CD86: variants seen among roughly 807,000 people sequenced by gnomAD.
CD86 encodes the protein CD86 molecule, also known as T-lymphocyte activation antigen CD86.
CD86 carries 11 observed loss-of-function variants against 32.1 expected under a neutral mutation model. That is an observed-to-expected ratio of 0.34 (90% CI 0.22 to 0.57). CD86 has a LOEUF of 0.57. Ranked by LOEUF, CD86 falls within the 20% of genes least tolerant of loss-of-function variation. The probability of loss-of-function intolerance (pLI) is 0.86; values close to 1 mark genes in which losing one functional copy is unlikely to be tolerated. For synonymous variants in CD86, 137 were observed against 135.3 expected, an observed-to-expected ratio of 1.01 and a Z score of -0.09; for missense variants, 359 against 398.4, an observed-to-expected ratio of 0.90 and a Z score of 0.84.
At chr3:122,080,366 C>T (rs1407581914) in intron 1 of CD86, among the ~76,000 whole-genome samples, 1 of 152,134 alleles carries the variant, frequency 6.6e-6, no homozygotes, top group African/African-American at 2.4e-5. Context: ...AGTTTCGATT[C>T]TAGATACAAC....
chr3:122,115,740 CAAAAAAAA>C (rs769868417), intron 5 of CD86, among the ~76,000 whole-genome samples: 2 of 27,538 alleles, frequency 7.3e-5, no homozygotes, highest in Non-Finnish European at 1.4e-4. Context: ...AACTCCCTCT[CAAAAAAAA>C]AAAAAAAAAA....
chr3:122,075,491 G>C, intron 1 of CD86, among the ~76,000 whole-genome samples: 1 of 152,154 alleles, frequency 6.6e-6, no homozygotes, highest in South Asian at 2.1e-4. Context: ...GCAGTAGTTT[G>C]GGGATTATTT....
intron 1 of CD86, among the ~76,000 whole-genome samples, chr3:122,087,216 C>A (rs1331035520): frequency 6.6e-6 from 1 of 152,266 alleles, no homozygotes; most frequent in East Asian, 1.9e-4. Context: ...TTTTAGATTT[C>A]TGACTAGTTC....
intron 1 of CD86, among the ~76,000 whole-genome samples, chr3:122,067,594 A>G (rs957818706): frequency 2.6e-5 from 4 of 152,240 alleles, no homozygotes; most frequent in African/African-American, 4.8e-5. Context: ...CTCAAATGCA[A>G]TATTTTATCT....
chr3:122,060,547 C>T (rs1037144907), intron 1 of CD86, among the ~76,000 whole-genome samples: 5 of 151,836 alleles, frequency 3.3e-5, no homozygotes, highest in East Asian at 1.9e-4. Flanking sequence ...ACTCAGGAGG[C>T]GGAGGTGGGA....
chr3:122,114,595 T>G (rs1014195786), intron 5 of CD86, among the ~76,000 whole-genome samples: 1 of 152,120 alleles, frequency 6.6e-6, no homozygotes, highest in African/African-American at 2.4e-5. Flanking sequence ...TACAAACATC[T>G]CTCGTGAAAT....
intron 1 of CD86, among the ~76,000 whole-genome samples, chr3:122,071,971 C>T (rs1206635212): frequency 6.8e-6 from 1 of 146,950 alleles, no homozygotes; most frequent in East Asian, 2.0e-4. Context: ...TGAGTGAGAA[C>T]ATGCGGTGTT....
intron 1 of CD86, among the ~76,000 whole-genome samples, chr3:122,089,575 T>C (rs932986152): frequency 6.6e-6 from 1 of 151,346 alleles, no homozygotes; most frequent in Non-Finnish European, 1.5e-5. Context: ...TTAGAAAACA[T>C]GTTGGCAAAA....
chr3:122,098,746 C>T (rs2072948684), intron 2 of CD86, among the ~76,000 whole-genome samples: 1 of 152,178 alleles, frequency 6.6e-6, no homozygotes, highest in East Asian at 1.9e-4. Flanking sequence ...TGGAGTTCAG[C>T]TCTGGCTGTA....
chr3:122,060,832 A>G (rs1338433061), intron 1 of CD86, among the ~76,000 whole-genome samples: 1 of 152,184 alleles, frequency 6.6e-6, no homozygotes, highest in Non-Finnish European at 1.5e-5. Flanking sequence ...GAGGCTTCGC[A>G]GAGGTAAAGC....
At chr3:122,093,090 G>C (rs941296257) in intron 2 of CD86, among the ~76,000 whole-genome samples, 2 of 152,112 alleles carry the variant, frequency 1.3e-5, no homozygotes, top group African/African-American at 4.8e-5. Context: ...AGAGAGCAAG[G>C]CAAGAAGACT....
At chr3:122,077,547 C>T (rs2072571552) in intron 1 of CD86, among the ~76,000 whole-genome samples, 1 of 152,114 alleles carries the variant, frequency 6.6e-6, no homozygotes, top group South Asian at 2.1e-4. Context: ...TCTTCTGAAG[C>T]CCCGTGGAGC....
At chr3:122,079,988 A>C (rs2072608832) in intron 1 of CD86, among the ~76,000 whole-genome samples, 1 of 152,182 alleles carries the variant, frequency 6.6e-6, no homozygotes, top group Non-Finnish European at 1.5e-5. Context: ...AGGGGCTTTC[A>C]AAAAATGCCT....
chr3:122,083,570 C>T (rs987441270), intron 1 of CD86, among the ~76,000 whole-genome samples: 3 of 152,178 alleles, frequency 2.0e-5, no homozygotes, highest in African/African-American at 7.2e-5. Context: ...ACAATGAATC[C>T]TTTACCCTCT....
At chr3:122,061,344 A>G (rs903387222) in intron 1 of CD86, among the ~76,000 whole-genome samples, 7 of 152,192 alleles carry the variant, frequency 4.6e-5, no homozygotes, top group Non-Finnish European at 7.4e-5. Flanking sequence ...TTTCAAGTCT[A>G]TTTAGAAATA....
intron 1 of CD86, among the ~76,000 whole-genome samples, chr3:122,065,645 T>A (rs2072402240): frequency 6.6e-6 from 1 of 152,180 alleles, no homozygotes; most frequent in Middle Eastern, 3.2e-3. Flanking sequence ...TGCAGATGCT[T>A]GAATCTAAGA....
intron 1 of CD86, among the ~76,000 whole-genome samples, chr3:122,060,614 T>G (rs1046733590): frequency 1.3e-5 from 2 of 151,570 alleles, no homozygotes; most frequent in Non-Finnish European, 2.9e-5. Context: ...ATAGCGAGAC[T>G]CCCATTCCTA....
intron 5 of CD86, among the ~76,000 whole-genome samples, chr3:122,116,120 C>CA (rs971650397): frequency 3.3e-5 from 5 of 152,026 alleles, no homozygotes; most frequent in Admixed American, 3.3e-4. Flanking sequence ...ACACAGAAAG[C>CA]AAAAACCATA....
chr3:122,089,527 A>G (rs2072779462), intron 1 of CD86, among the ~76,000 whole-genome samples: 1 of 152,180 alleles, frequency 6.6e-6, no homozygotes, highest in Non-Finnish European at 1.5e-5. Context: ...AACTTATGAG[A>G]TGTAATTTCA....
Sources: allele counts gnomAD v4.1 joint callset (sites outside exome capture counted in the v4.1 genomes callset), GRCh38; gene constraint gnomAD v4.1.1; transcripts MANE v1.5; gene names NCBI Gene and HGNC (gene_info 2026-07-23, HGNC 2026-07-21).